CPEB4: variants seen among roughly 807,000 people sequenced by gnomAD.
CPEB4 encodes the protein cytoplasmic polyadenylation element binding protein 4.
Under a neutral mutation model 72.5 loss-of-function variants are expected in CPEB4, and 12 were observed. That is an observed-to-expected ratio of 0.17 (90% confidence interval 0.11 to 0.27). The LOEUF (loss-of-function observed/expected upper bound fraction) is 0.27, where lower values mean the gene tolerates loss of function less well. Ranked by LOEUF, CPEB4 falls within the 10% of genes least tolerant of loss-of-function variation. The pLI is 1.00. For missense variants in CPEB4, 614 were observed against 908.5 expected, an observed-to-expected ratio of 0.68 and a Z score of 4.17; for synonymous variants, 302 against 326.3, an observed-to-expected ratio of 0.93 and a Z score of 0.80.
intron 2 of CPEB4, 39 bp downstream of exon 2, chr5:173,910,643 GT>G: frequency 7.9e-7 from 1 of 1,269,568 alleles, no homozygotes; most frequent in Non-Finnish European, 1.2e-6. Context: ...TCAGACAATA[GT>G]TTTAAATGTG....
rs564231581 is a variant in CPEB4, at chr5:173,915,747, A to T, written c.1207+5143A>T. Among the ~76,000 whole-genome samples the T allele has an allele frequency of 3.9e-5, 6 of 152,326 alleles. No individual in the cohort carries two copies. The East Asian group carries it at 1.2e-3, about 29-fold the overall frequency. On this transcript the variant is annotated intron_variant, in intron 2 of 9. Coordinates refer to ENST00000265085, the MANE Select transcript of CPEB4 (RefSeq NM_030627.4). ...GGAATATTGTATCTTATTGTTATGC[A>T]TGTTTTTTCTCGCTTATGAAATTGG...
chr5:173,901,012 G>C (rs1244168116), intron 1 of CPEB4, among the ~76,000 whole-genome samples: 1 of 152,114 alleles, frequency 6.6e-6, no homozygotes, highest in African/African-American at 2.4e-5. Context: ...ATTTCTCTCT[G>C]CTAGGCAAGA....
At chr5:173,926,064 G>A (rs1046236805) in intron 2 of CPEB4, among the ~76,000 whole-genome samples, 1 of 152,144 alleles carries the variant, frequency 6.6e-6, no homozygotes, top group Non-Finnish European at 1.5e-5. Context: ...TGTCAACATT[G>A]TTGGCATGAC....
At chr5:173,921,231 G>T (rs1757062423) in intron 2 of CPEB4, among the ~76,000 whole-genome samples, 1 of 152,022 alleles carries the variant, frequency 6.6e-6, no homozygotes, top group South Asian at 2.1e-4. Context: ...TAGAGACAGG[G>T]GTAGGAGTCT....
chr5:173,948,927 A>G (rs1758126627), intron 5 of CPEB4, among the ~76,000 whole-genome samples: 1 of 152,100 alleles, frequency 6.6e-6, no homozygotes, highest in African/African-American at 2.4e-5. Context: ...ATACCCTTAC[A>G]TTGGGGAATA....
intron 1 of CPEB4, among the ~76,000 whole-genome samples, chr5:173,905,768 T>C (rs1213588850): frequency 2.0e-5 from 3 of 152,236 alleles, no homozygotes; most frequent in Non-Finnish European, 4.4e-5. Flanking sequence ...TTTTGGTTCC[T>C]GCCATAATTG....
chr5:173,929,458 A>G (rs1757362757), intron 2 of CPEB4, among the ~76,000 whole-genome samples: 1 of 152,086 alleles, frequency 6.6e-6, no homozygotes. Flanking sequence ...CGGCACTTGA[A>G]GAGGCTGAGG....
chr5:173,895,269 G>T (rs1311630441), intron 1 of CPEB4, among the ~76,000 whole-genome samples: 1 of 152,184 alleles, frequency 6.6e-6, no homozygotes, highest in Non-Finnish European at 1.5e-5. Flanking sequence ...TTATATTTGA[G>T]TATAGCATTT....
chr5:173,892,822 A>ATAGTTAGAC (rs1446479037), intron 1 of CPEB4, among the ~76,000 whole-genome samples: 1 of 152,252 alleles, frequency 6.6e-6, no homozygotes, highest in African/African-American at 2.4e-5. Flanking sequence ...TTATGAAATA[A>ATAGTTAGAC]TAGTTAGACT....
At chr5:173,916,483 A>G (rs1467398735) in intron 2 of CPEB4, among the ~76,000 whole-genome samples, 1 of 152,240 alleles carries the variant, frequency 6.6e-6, no homozygotes, top group African/African-American at 2.4e-5. Context: ...TCACTGCCTC[A>G]CGTGTTTCAT....
intron 2 of CPEB4, among the ~76,000 whole-genome samples, chr5:173,911,693 T>TTG (rs1006894790): frequency 2.6e-5 from 4 of 151,236 alleles, no homozygotes; most frequent in African/African-American, 7.3e-5. Context: ...TTTTTTTTTT[T>TTG]TTTTTTTTTT....
chr5:173,894,850 G>A (rs1016860856), intron 1 of CPEB4, among the ~76,000 whole-genome samples: 5 of 152,164 alleles, frequency 3.3e-5, no homozygotes, highest in Admixed American at 1.3e-4. Flanking sequence ...CCTCCCAGAC[G>A]CATGTAAGAT....
At chr5:173,951,762 AC>A (rs2113298899) in intron 7 of CPEB4, 61 bp from the exon 8 acceptor site, 2 of 901,938 alleles carry the variant, frequency 2.2e-6, no homozygotes, top group East Asian at 4.8e-5. Flanking sequence ...ATAATTGTTA[AC>A]TTTTTTGCCC....
chr5:173,911,628 C>G (rs1312217476), intron 2 of CPEB4, among the ~76,000 whole-genome samples: 1 of 149,198 alleles, frequency 6.7e-6, no homozygotes, highest in Non-Finnish European at 1.5e-5. Context: ...GGAAAAGTAT[C>G]TCACAAAATA....
chr5:173,911,974 T>A (rs958031889), intron 2 of CPEB4, among the ~76,000 whole-genome samples: 3 of 152,136 alleles, frequency 2.0e-5, no homozygotes, highest in African/African-American at 7.2e-5. Context: ...CCAATAGTGA[T>A]AATATTGTTT....
intron 2 of CPEB4, among the ~76,000 whole-genome samples, chr5:173,917,257 G>A (rs905993085): frequency 1.3e-5 from 2 of 152,150 alleles, no homozygotes; most frequent in Non-Finnish European, 2.9e-5. Flanking sequence ...TTTATTTCAG[G>A]TAGGAATGGT....
intron 2 of CPEB4, among the ~76,000 whole-genome samples, chr5:173,913,535 C>A (rs777245303): frequency 6.6e-5 from 10 of 152,158 alleles, no homozygotes; most frequent in Non-Finnish European, 1.3e-4. Context: ...AATAGAATTT[C>A]CTTGGCCATC....
intron 3 of CPEB4, among the ~76,000 whole-genome samples, chr5:173,935,782 A>AG (rs1757599739): frequency 6.6e-6 from 1 of 151,672 alleles, no homozygotes; most frequent in South Asian, 2.1e-4. Context: ...AATTAAAAGA[A>AG]AAAAGTCAGA....
chr5:173,951,993 T>G, intron 8 of CPEB4, 55 bp downstream of exon 8: 99 of 937,288 alleles, frequency 1.1e-4, no homozygotes, highest in Non-Finnish European at 1.6e-4. Context: ...AATATGAAGA[T>G]CTTCAGGATA....
Sources: allele counts gnomAD v4.1 joint callset (sites outside exome capture counted in the v4.1 genomes callset), GRCh38; gene constraint gnomAD v4.1.1; transcripts MANE v1.5; gene names NCBI Gene and HGNC (gene_info 2026-07-23, HGNC 2026-07-21).